Variants in ALPK2 observed in about 807,000 individuals in gnomAD.
ALPK2 encodes the protein alpha kinase 2.
In ALPK2, 127 loss-of-function variants were observed where a neutral mutation model predicts 163.1. The observed-to-expected ratio is 0.78, with a 90% confidence interval of 0.67 to 0.90. ALPK2 has a LOEUF of 0.90. Ranked by LOEUF, ALPK2 falls within the 40% of genes least tolerant of loss-of-function variation. The pLI is 0.00. For synonymous variants in ALPK2, 953 were observed against 959.1 expected, an observed-to-expected ratio of 0.99 and a Z score of 0.12; for missense variants, 2,360 against 2,589.6, an observed-to-expected ratio of 0.91 and a Z score of 1.92.
intron 10 of ALPK2, among the ~76,000 whole-genome samples, chr18:58,505,127 T>G (rs72933205): frequency 0.11 from 17,010 of 151,900 alleles, 1,180 homozygotes; most frequent in East Asian, 0.38. Context: ...GATTTCTGCA[T>G]GACAAAGATC....
At chr18:58,493,080 G>A (rs2051383292) in intron 12 of ALPK2, among the ~76,000 whole-genome samples, 1 of 152,200 alleles carries the variant, frequency 6.6e-6, no homozygotes, top group Non-Finnish European at 1.5e-5. Context: ...GGATGAAGAT[G>A]GGATGCAGGT....
chr18:58,499,863 A>G (rs1477196996), intron 11 of ALPK2, among the ~76,000 whole-genome samples: 1 of 152,216 alleles, frequency 6.6e-6, no homozygotes, highest in Non-Finnish European at 1.5e-5. Context: ...CATCCCCCTA[A>G]AGCCAGCCAT....
chr18:58,513,772 T>C (rs1039238421), intron 10 of ALPK2, among the ~76,000 whole-genome samples: 1 of 152,014 alleles, frequency 6.6e-6, no homozygotes, highest in Non-Finnish European at 1.5e-5. Context: ...CCCAGTTACT[T>C]TGGAGGCTGG....
chr18:58,587,749 G>A (rs1366897757), intron 3 of ALPK2, among the ~76,000 whole-genome samples: 3 of 152,084 alleles, frequency 2.0e-5, no homozygotes, highest in African/African-American at 7.2e-5. Context: ...GAGCCTGATG[G>A]TATACCAGCT....
At position 58,529,207 on chromosome 18, in the gene ALPK2, C is replaced by G. The variant is rs2051599556; in HGVS notation, c.5385G>C (p.Glu1795Asp). Residue 1795 changes from glutamate to aspartate, a missense_variant, in exon 6 of 13, where the codon GAG (glutamate) becomes GAC (aspartate). Coordinates refer to ENST00000361673, the MANE Select transcript of ALPK2 (RefSeq NM_052947.4). ...CATTTCCAGAGTGTTCAGGGAACATCTCAGCTTGGATCTTTTTCAGTAATA... is the reference window on the plus strand; with the variant it reads ...CATTTCCAGAGTGTTCAGGGAACATGTCAGCTTGGATCTTTTTCAGTAATA... ...APVLLKKIQAEMFPEHSGNVK... is the reference protein window; with the variant it reads ...APVLLKKIQADMFPEHSGNVK... The G allele has an allele frequency of 2.5e-6, 4 of 1,613,184 alleles. No homozygotes were observed. Among genetic ancestry groups the G allele is most frequent in the African/African-American group, 1.3e-5 (1 of 74,876 alleles).
intron 3 of ALPK2, among the ~76,000 whole-genome samples, chr18:58,596,100 A>G (rs1310026646): frequency 6.6e-6 from 1 of 152,194 alleles, no homozygotes; most frequent in Middle Eastern, 3.2e-3. Flanking sequence ...GGCTGTTAAG[A>G]GTTGGTTTTC....
At chr18:58,555,138 A>G (rs1445336610) in intron 4 of ALPK2, among the ~76,000 whole-genome samples, 5 of 152,222 alleles carry the variant, frequency 3.3e-5, no homozygotes, top group Admixed American at 6.5e-5. Flanking sequence ...GCCTGGTACA[A>G]TCTTAACACA....
At chr18:58,530,387 T>A (rs1426710306) in intron 5 of ALPK2, among the ~76,000 whole-genome samples, 2 of 152,176 alleles carry the variant, frequency 1.3e-5, no homozygotes, top group East Asian at 3.8e-4. Flanking sequence ...AACAAGTACG[T>A]ATTGATGGCA....
At chr18:58,505,102 G>A (rs2051455102) in intron 10 of ALPK2, among the ~76,000 whole-genome samples, 1 of 152,090 alleles carries the variant, frequency 6.6e-6, no homozygotes, top group South Asian at 2.1e-4. Context: ...GGCAAGTGGG[G>A]AAGGGACAGG....
intron 5 of ALPK2, among the ~76,000 whole-genome samples, chr18:58,532,369 G>A (rs1033358113): frequency 3.3e-5 from 5 of 152,132 alleles, no homozygotes; most frequent in South Asian, 4.2e-4. Context: ...CAACTCCTCC[G>A]AAGCTGGGAA....
chr18:58,621,131 C>A (rs2052196417), intron 1 of ALPK2, among the ~76,000 whole-genome samples: 1 of 141,338 alleles, frequency 7.1e-6, no homozygotes, highest in Admixed American at 7.3e-5. Flanking sequence ...CCAGTATGGA[C>A]AACAGAGCAA....
In ALPK2 at chr18:58,503,923, T is replaced by C. The variant is rs2051446642; in HGVS notation, c.6247+8A>G. 1 of 1,610,376 alleles carries C rather than the reference T, an allele frequency of 6.2e-7. No homozygotes were observed. The highest frequency in any genetic ancestry group is 1.1e-5 in the South Asian group (1 of 90,282). On this transcript the variant is annotated splice_region_variant and intron_variant, in intron 11 of 12. Transcript: ENST00000361673. ...TCCCTGGAGCCTGGGCTAAGCTGCT[T>C]TCCTCACCTTGCATGTCCGTCACCA...
In ALPK2 at chr18:58,599,865, C is replaced by T. The variant is rs550703886; in HGVS notation, c.227+7457G>A. ...GACATAGAAAAGTTAAATAATTTGC[C>T]CAGGATGATACAGCTTATAGATCTG... is the stretch of plus-strand genomic sequence containing the variant. On this transcript the variant is annotated intron_variant, in intron 3 of 12. Coordinates refer to ENST00000361673, the MANE Select transcript of ALPK2 (RefSeq NM_052947.4). Among the ~76,000 whole-genome samples, 4 of 152,024 alleles carry T rather than the reference C, an allele frequency of 2.6e-5. No individual in the cohort carries two copies. In the South Asian group the frequency reaches 8.3e-4, roughly 32 times the overall value.
At chr18:58,502,329 T>G (rs2051436857) in intron 11 of ALPK2, among the ~76,000 whole-genome samples, 1 of 152,112 alleles carries the variant, frequency 6.6e-6, no homozygotes, top group Non-Finnish European at 1.5e-5. Flanking sequence ...CACTCCAGCC[T>G]GGGTGACAGA....
chr18:58,561,298 C>T (rs111245018), intron 4 of ALPK2, among the ~76,000 whole-genome samples: 16 of 152,132 alleles, frequency 1.1e-4, no homozygotes, highest in Non-Finnish European at 1.6e-4. Flanking sequence ...GATGGTTATG[C>T]GAGGATGCTG....
At chr18:58,512,493 G>A (rs1000172272) in intron 10 of ALPK2, among the ~76,000 whole-genome samples, 1 of 152,226 alleles carries the variant, frequency 6.6e-6, no homozygotes, top group Non-Finnish European at 1.5e-5. Context: ...AGGGGCTGTG[G>A]CAGTGGGGGA....
rs374991122 is a variant in ALPK2 at position 58,535,692 on chromosome 18, C to T, written c.4495G>A (p.Glu1499Lys). The T allele has an allele frequency of 4.2e-5, 68 of 1,614,124 alleles. No homozygotes were observed. The highest frequency in any genetic ancestry group is 5.1e-5 in the Non-Finnish European group (60 of 1,180,050). The stretch of plus-strand genomic sequence containing the variant: ...CCACTTGGAATTCTTTCACCGCCTT[C>T]GCTGGGTTGCAGGACTTGCCAAATG... ...TAIWQVLQPS[E>K]GGERIPSGCS... The change falls in exon 5 of 13, where the codon GAA becomes AAA. Residue 1499 changes from glutamate (E) to lysine (K), a missense_variant. By Grantham distance (56) the Glu-to-Lys change is moderately conservative. Transcript: ENST00000361673.
At chr18:58,578,622 A>T (rs2051934141) in intron 4 of ALPK2, 192 bp downstream of exon 4, 1 of 547,918 alleles carries the variant, frequency 1.8e-6, no homozygotes, top group Non-Finnish European at 3.1e-6. Context: ...TCAAAACCAG[A>T]TTTCCTTCCG....
intron 1 of ALPK2, among the ~76,000 whole-genome samples, chr18:58,614,622 A>T (rs755026361): frequency 7.9e-5 from 12 of 152,342 alleles, no homozygotes; most frequent in Middle Eastern, 3.4e-3. Context: ...ACCAGATTTA[A>T]TACCAGCCCA....
Sources: allele counts gnomAD v4.1 joint callset (sites outside exome capture counted in the v4.1 genomes callset), GRCh38; gene constraint gnomAD v4.1.1; transcripts MANE v1.5; gene names NCBI Gene and HGNC (gene_info 2026-07-23, HGNC 2026-07-21).